The following ROBO1 variants were observed in gnomAD, a reference collection of about 807,000 sequenced individuals.
ROBO1 encodes the protein roundabout guidance receptor 1, also known as roundabout homolog 1.
Under a neutral mutation model 195.9 loss-of-function variants are expected in ROBO1, and 149 were observed. That is an observed-to-expected ratio of 0.76 (90% confidence interval 0.67 to 0.87). ROBO1 has a LOEUF of 0.87. Ranked by LOEUF, ROBO1 falls within the 40% of genes least tolerant of loss-of-function variation. The pLI, the probability that ROBO1 is intolerant of heterozygous loss-of-function variation, is 0.00. For missense variants in ROBO1, 1,933 were observed against 2,068.3 expected (o/e 0.93, Z 1.27); for synonymous variants, 816 against 733.2 (o/e 1.11, Z -1.82).
intron 2 of ROBO1, among the ~76,000 whole-genome samples, chr3:79,529,359 A>C (rs1437713757): frequency 5.3e-5 from 8 of 152,152 alleles, no homozygotes; most frequent in Non-Finnish European, 1.5e-5. Context: ...TTAATGGTGC[A>C]TCCCAGTAGT....
Position 78,631,155 on chromosome 3 carries a change from T to C in ROBO1, c.3626+6A>G. The C allele has an allele frequency of 6.2e-7, 1 of 1,608,642 alleles. No individual in the cohort carries two copies. The highest frequency in any genetic ancestry group is 1.1e-5 in the South Asian group (1 of 89,988). On this transcript the variant is annotated splice_donor_region_variant and intron_variant, in intron 25 of 30. Transcript: ENST00000464233. ...CTGTTTACATCTGTTTGGATGCTCC[T>C]CTTACCTTTCATCTACAGAAATGTT...
intron 2 of ROBO1, among the ~76,000 whole-genome samples, chr3:79,518,386 G>T (rs996803128): frequency 6.6e-6 from 1 of 151,954 alleles, no homozygotes; most frequent in African/African-American, 2.4e-5. Context: ...GAGATGCAAT[G>T]GCACATGCTG....
At chr3:78,819,216 AGT>A (rs1373044023) in intron 4 of ROBO1, among the ~76,000 whole-genome samples, 1 of 152,094 alleles carries the variant, frequency 6.6e-6, no homozygotes, top group Non-Finnish European at 1.5e-5. Context: ...TTCACTCCAT[AGT>A]GTATTTGATG....
intron 4 of ROBO1, among the ~76,000 whole-genome samples, chr3:78,869,500 C>G (rs2107125345): frequency 6.6e-6 from 1 of 152,262 alleles, no homozygotes; most frequent in South Asian, 2.1e-4. Flanking sequence ...ACCCTGTTGC[C>G]AGGCTGGAGT....
chr3:79,718,946 G>T (rs1370698942), intron 1 of ROBO1, among the ~76,000 whole-genome samples: 2 of 152,098 alleles, frequency 1.3e-5, no homozygotes, highest in African/African-American at 2.4e-5. Context: ...TGAACTAAAA[G>T]AAATACTTAA....
intron 1 of ROBO1, among the ~76,000 whole-genome samples, chr3:79,636,628 G>C (rs571388445): frequency 5.3e-5 from 8 of 152,144 alleles, no homozygotes; most frequent in African/African-American, 1.4e-4. Flanking sequence ...AGAGAACAAG[G>C]CTCCCCTCAC....
intron 1 of ROBO1, among the ~76,000 whole-genome samples, chr3:79,760,168 C>T (rs190106960): frequency 7.8e-4 from 97 of 123,784 alleles, no homozygotes; most frequent in African/African-American, 2.8e-3. Context: ...ACCTAGGAGG[C>T]GGAGGTTGCA....
intron 3 of ROBO1, among the ~76,000 whole-genome samples, chr3:79,046,067 T>TAGAGTATATTC (rs1250895912): frequency 6.6e-6 from 1 of 152,132 alleles, no homozygotes; most frequent in Non-Finnish European, 1.5e-5. Context: ...TAGTTTAGAC[T>TAGAGTATATTC]TGTGTATAAC....
chr3:79,269,642 G>A (rs2030335903), intron 2 of ROBO1, among the ~76,000 whole-genome samples: 1 of 151,656 alleles, frequency 6.6e-6, no homozygotes. Flanking sequence ...AGATTTTACT[G>A]AAAATTAATA....
At chr3:79,354,128 A>G (rs1292992461) in intron 2 of ROBO1, among the ~76,000 whole-genome samples, 2 of 152,104 alleles carry the variant, frequency 1.3e-5, no homozygotes, top group Admixed American at 6.5e-5. Flanking sequence ...ATCTAATACT[A>G]TTACTGAAAC....
At chr3:78,955,884 C>T (rs2041025500) in intron 3 of ROBO1, among the ~76,000 whole-genome samples, 1 of 152,176 alleles carries the variant, frequency 6.6e-6, no homozygotes, top group Non-Finnish European at 1.5e-5. Context: ...ACCAGTACTT[C>T]TGACATGAGT....
intron 4 of ROBO1, among the ~76,000 whole-genome samples, chr3:78,789,735 T>C (rs2083959250): frequency 6.6e-6 from 1 of 152,170 alleles, no homozygotes; most frequent in Admixed American, 6.5e-5. Flanking sequence ...GAAGGAGTGC[T>C]AACATTTTCT....
At chr3:79,545,182 T>C (rs1434629150) in intron 2 of ROBO1, among the ~76,000 whole-genome samples, 1 of 152,174 alleles carries the variant, frequency 6.6e-6, no homozygotes, top group African/African-American at 2.4e-5. Context: ...AAATTGCATG[T>C]GGACACATCG....
intron 3 of ROBO1, among the ~76,000 whole-genome samples, chr3:78,985,952 G>T (rs959617201): frequency 1.3e-4 from 20 of 152,096 alleles, no homozygotes; most frequent in African/African-American, 4.8e-4. Flanking sequence ...AAGAAGGAGG[G>T]GCAGCAGAGC....
At chr3:78,639,663 T>C (rs1463083876) in intron 22 of ROBO1, 81 bp downstream of exon 22, 6 of 1,325,812 alleles carry the variant, frequency 4.5e-6, no homozygotes, top group African/African-American at 2.9e-5. Context: ...ATCTTTCCCA[T>C]GTAGGGAGAG....
intron 8 of ROBO1, among the ~76,000 whole-genome samples, chr3:78,703,960 A>G (rs907569618): frequency 6.6e-6 from 1 of 152,078 alleles, no homozygotes; most frequent in Non-Finnish European, 1.5e-5. Flanking sequence ...ATGTCTTGTC[A>G]GAGTCTGGCA....
intron 1 of ROBO1, among the ~76,000 whole-genome samples, chr3:79,627,979 A>G (rs2108011100): frequency 6.6e-6 from 1 of 152,302 alleles, no homozygotes; most frequent in South Asian, 2.1e-4. Context: ...AAATGTCAGG[A>G]AACAATACAT....
chr3:78,857,110 T>A (rs956955112), intron 4 of ROBO1, among the ~76,000 whole-genome samples: 41 of 152,296 alleles, frequency 2.7e-4, no homozygotes, highest in African/African-American at 9.1e-4. Flanking sequence ...TTATGACATT[T>A]ATTCACACAA....
At chr3:79,546,791 A>T (rs1375428952) in intron 2 of ROBO1, among the ~76,000 whole-genome samples, 1 of 152,202 alleles carries the variant, frequency 6.6e-6, no homozygotes, top group Non-Finnish European at 1.5e-5. Flanking sequence ...GTTTATAAAT[A>T]CTTACCAAGG....
Sources: gnomAD v4.1 joint callset for allele counts (sites outside exome capture counted in the v4.1 genomes callset) on GRCh38, gnomAD v4.1.1 for gene constraint, MANE v1.5 for transcripts, NCBI Gene and HGNC (gene_info 2026-07-23, HGNC 2026-07-21) for gene names.